NUP210: variants seen among roughly 807,000 people sequenced by gnomAD.
NUP210 encodes the protein nucleoporin 210.
In NUP210, 151 loss-of-function variants were observed where a neutral mutation model predicts 196.0. The ratio of observed to expected loss-of-function variants is 0.77; its 90% CI spans 0.67 to 0.88. NUP210 has a LOEUF of 0.88. Ranked by LOEUF, NUP210 falls within the 40% of genes least tolerant of loss-of-function variation. The pLI is 0.00. For synonymous variants in NUP210, 1,070 were observed against 1,052.7 expected (o/e 1.02, Z -0.32); for missense variants, 2,314 against 2,493.7 (o/e 0.93, Z 1.53).
At chr3:13,395,074 G>A (rs550585769) in intron 3 of NUP210, among the ~76,000 whole-genome samples, 32 of 152,238 alleles carry the variant, frequency 2.1e-4, no homozygotes, top group African/African-American at 7.7e-4. Flanking sequence ...TCCTACTCTG[G>A]AACTGGCTGC....
At chr3:13,333,997 G>T (rs571914099) in intron 28 of NUP210, among the ~76,000 whole-genome samples, 2 of 152,272 alleles carry the variant, frequency 1.3e-5, no homozygotes, top group South Asian at 4.2e-4. Flanking sequence ...AGCTCTAATG[G>T]AGTCAAGGTT....
intron 1 of NUP210, among the ~76,000 whole-genome samples, chr3:13,406,847 AC>A (rs1700019988): frequency 1.1e-5 from 1 of 94,476 alleles, no homozygotes; most frequent in South Asian, 4.2e-4. Context: ...AACCCCCCCC[AC>A]CCCCCACACG....
intron 2 of NUP210, among the ~76,000 whole-genome samples, chr3:13,398,660 A>G (rs1699741839): frequency 6.6e-6 from 1 of 152,058 alleles, no homozygotes; most frequent in South Asian, 2.1e-4. Flanking sequence ...TAGCTCACAC[A>G]TGTAATTCCG....
intron 1 of NUP210, among the ~76,000 whole-genome samples, chr3:13,409,710 G>A (rs543942114): frequency 1.3e-5 from 2 of 152,148 alleles, no homozygotes; most frequent in African/African-American, 2.4e-5. Flanking sequence ...CCTTGTGCTA[G>A]GGTACACGGA....
chr3:13,356,202 A>C (rs1698167549), intron 16 of NUP210, among the ~76,000 whole-genome samples: 1 of 152,188 alleles, frequency 6.6e-6, no homozygotes, highest in South Asian at 2.1e-4. Context: ...CTACCTTGTC[A>C]TTCTGATCAG....
At chr3:13,386,171 G>A in intron 6 of NUP210, 104 bp downstream of exon 6, 1 of 1,242,402 alleles carries the variant, frequency 8.0e-7, no homozygotes, top group South Asian at 1.4e-5. Flanking sequence ...ACCTGATGGA[G>A]CACTTAAAAA....
At chr3:13,381,105 G>A (rs976824963) in intron 6 of NUP210, among the ~76,000 whole-genome samples, 2 of 152,238 alleles carry the variant, frequency 1.3e-5, no homozygotes, top group African/African-American at 4.8e-5. Context: ...CTCTAATCAA[G>A]TGATTCTTGC....
chr3:13,373,681 G>C, intron 12 of NUP210, 37 bp downstream of exon 12: 1 of 1,607,710 alleles, frequency 6.2e-7, no homozygotes, highest in Non-Finnish European at 8.5e-7. Context: ...ACCACCATCC[G>C]AGCCTCCCAG....
intron 2 of NUP210, among the ~76,000 whole-genome samples, chr3:13,397,875 G>A (rs935014719): frequency 6.6e-5 from 10 of 152,226 alleles, no homozygotes; most frequent in African/African-American, 2.4e-4. Context: ...TTACGCTGGT[G>A]GTTTTTGGTT....
chr3:13,401,279 A>AAAAAAAAAAAG (rs1699831013), intron 1 of NUP210, among the ~76,000 whole-genome samples: 1 of 150,422 alleles, frequency 6.6e-6, no homozygotes, highest in South Asian at 2.1e-4. Flanking sequence ...AAAAAAAAAA[A>AAAAAAAAAAAG]AGGCAATGGT....
chr3:13,341,838 G>C lies in NUP210; in HGVS notation c.3138C>G (p.Ile1046Met), dbSNP rs1172249061. 1 of 1,614,204 alleles carries C rather than the reference G, an allele frequency of 6.2e-7. No homozygotes were observed. Among genetic ancestry groups the C allele is most frequent in the Admixed American group, 1.7e-5 (1 of 60,012 alleles). Residue 1046 changes from isoleucine (I) to methionine (M), a missense_variant, in exon 23 of 40, where the codon ATC (isoleucine) becomes ATG (methionine). Ile to Met is a conservative substitution (Grantham distance 10). Coordinates refer to ENST00000254508, the MANE Select transcript of NUP210 (RefSeq NM_024923.4). ...TGGTCTGGCCGATGGCCACACCGCGGATGAGGAATGTGATGGTGTAGTTGT... is the reference window on the plus strand; with the variant it reads ...TGGTCTGGCCGATGGCCACACCGCGCATGAGGAATGTGATGGTGTAGTTGT... ...ALDNYTITFL[I>M]RGVAIGQTSL...
chr3:13,402,527 C>A (rs556103783), intron 1 of NUP210, among the ~76,000 whole-genome samples: 125 of 152,280 alleles, frequency 8.2e-4, no homozygotes, highest in South Asian at 2.3e-3. Flanking sequence ...ATTCTCCTTG[C>A]AAAACTCCCC....
chr3:13,418,366 C>T (rs1170836303), intron 1 of NUP210, among the ~76,000 whole-genome samples: 8 of 151,644 alleles, frequency 5.3e-5, no homozygotes, highest in Admixed American at 1.3e-4. Flanking sequence ...GCAGAGGCGG[C>T]GGGATCACTT....
At chr3:13,319,400 G>T in intron 37 of NUP210, 75 bp from the exon 38 acceptor site, 1 of 1,256,224 alleles carries the variant, frequency 8.0e-7, no homozygotes, top group Non-Finnish European at 1.1e-6. Flanking sequence ...CTGCCCTACT[G>T]TACGTCTACA....
chr3:13,416,871 G>A (rs1030124616), intron 1 of NUP210, among the ~76,000 whole-genome samples: 9 of 152,198 alleles, frequency 5.9e-5, no homozygotes, highest in Non-Finnish European at 1.0e-4. Context: ...ATAAGTGACC[G>A]AAAAGAAACC....
chr3:13,414,414 A>G (rs1295114780), intron 1 of NUP210, among the ~76,000 whole-genome samples: 2 of 152,200 alleles, frequency 1.3e-5, no homozygotes, highest in African/African-American at 4.8e-5. Context: ...AAGGGAGTTG[A>G]GCAAGGCCCG....
At chr3:13,326,000 T>C in intron 32 of NUP210, 69 bp from the exon 33 acceptor site, 1 of 1,579,010 alleles carries the variant, frequency 6.3e-7, no homozygotes, top group Non-Finnish European at 8.6e-7. Context: ...CCAGCTCACC[T>C]GGATGACAGG....
intron 1 of NUP210, among the ~76,000 whole-genome samples, chr3:13,410,700 G>A (rs1162787348): frequency 2.0e-5 from 3 of 147,128 alleles, no homozygotes; most frequent in Admixed American, 6.7e-5. Flanking sequence ...GGTGGATCAC[G>A]AGGTCAGGAG....
chr3:13,407,951 A>C (rs1700051624), intron 1 of NUP210, among the ~76,000 whole-genome samples: 1 of 152,220 alleles, frequency 6.6e-6, no homozygotes, highest in Admixed American at 6.5e-5. Flanking sequence ...GAGTGAATGA[A>C]GATGGGATCT....
Sources: gnomAD v4.1 joint callset for allele counts (sites outside exome capture counted in the v4.1 genomes callset) on GRCh38, gnomAD v4.1.1 for gene constraint, MANE v1.5 for transcripts, NCBI Gene and HGNC (gene_info 2026-07-23, HGNC 2026-07-21) for gene names.